Variants in CDKL3 observed in about 807,000 individuals in gnomAD.
The protein encoded by CDKL3 is cyclin dependent kinase like 3, also known as cyclin-dependent kinase-like 3.
In CDKL3, 65 loss-of-function variants were observed where a neutral mutation model predicts 69.3. That is an observed-to-expected ratio of 0.94 (90% CI 0.77 to 1.15). The LOEUF (loss-of-function observed/expected upper bound fraction) is 1.15, where lower values mean the gene tolerates loss of function less well. CDKL3 is among the 50% of genes most tolerant of loss of function. The pLI is 0.00. For synonymous variants in CDKL3, 202 were observed against 221.6 expected, an observed-to-expected ratio of 0.91 and a Z score of 0.79; for missense variants, 652 against 689.2, an observed-to-expected ratio of 0.95 and a Z score of 0.61.
chr5:134,328,608 T>G (rs530657585), intron 4 of CDKL3, among the ~76,000 whole-genome samples: 44 of 152,234 alleles, frequency 2.9e-4, no homozygotes, highest in African/African-American at 9.6e-4. Flanking sequence ...AAAAATATTT[T>G]ATAAAATAAT....
At chr5:134,371,397 C>T (rs1010299194), upstream of CDKL3, 34 of 723,336 alleles carry the variant, frequency 4.7e-5, no homozygotes, top group Non-Finnish European at 6.7e-5. Flanking sequence ...CCAGCACTCA[C>T]ACTGTGGTAG....
At chr5:134,323,923 C>T (rs956925625) in intron 4 of CDKL3, among the ~76,000 whole-genome samples, 1 of 151,182 alleles carries the variant, frequency 6.6e-6, no homozygotes, top group Non-Finnish European at 1.5e-5. Flanking sequence ...AATAAAAAGA[C>T]AAGCCACAAA....
intron 4 of CDKL3, among the ~76,000 whole-genome samples, chr5:134,338,135 T>C (rs1430268083): frequency 6.6e-6 from 1 of 151,914 alleles, no homozygotes. Context: ...AAAAAGGAAG[T>C]GAGAGGGAGT....
At chr5:134,327,218 G>A (rs1774625603) in intron 4 of CDKL3, among the ~76,000 whole-genome samples, 1 of 152,128 alleles carries the variant, frequency 6.6e-6, no homozygotes, top group South Asian at 2.1e-4. Flanking sequence ...GTTCTACCTT[G>A]AATGCAGTGC....
chr5:134,308,612 A>C lies in CDKL3; in HGVS notation c.997T>G (p.Tyr333Asp). The C allele has an allele frequency of 6.2e-7, 1 of 1,606,302 alleles. No homozygotes were observed. Among genetic ancestry groups the C allele is most frequent in the Non-Finnish European group, 8.5e-7 (1 of 1,178,104 alleles). Residue 333 changes from tyrosine (Y) to aspartate (D), a missense_variant, in exon 8 of 13, where the codon TAT becomes GAT. By Grantham distance (160) the Tyr-to-Asp change is radical. Coordinates refer to ENST00000265334, the MANE Select transcript of CDKL3 (RefSeq NM_001113575.2). ...GAACTACTTAGCAGTGTATTGGTATAAACTGTTTTTCTTTCATCTTTCCTG... is the reference window on the plus strand; with the variant it reads ...GAACTACTTAGCAGTGTATTGGTATCAACTGTTTTTCTTTCATCTTTCCTG... ...ELRKDERKTVYTNTLLSSSVL... is the reference protein window; with the variant it reads ...ELRKDERKTVDTNTLLSSSVL...
intron 2 of CDKL3, among the ~76,000 whole-genome samples, chr5:134,364,562 A>G (rs1581264028): frequency 6.6e-6 from 1 of 151,610 alleles, no homozygotes; most frequent in African/African-American, 2.4e-5. Context: ...CCCAGGCTGG[A>G]CTGCAATAGT....
downstream of CDKL3, among the ~76,000 whole-genome samples, chr5:134,285,113 G>A (rs543435901): frequency 1.1e-4 from 17 of 152,264 alleles, no homozygotes; most frequent in Admixed American, 4.6e-4. Flanking sequence ...CGGTCCCTCC[G>A]TTCGGGGCCC....
At position 134,304,558 on chromosome 5, in the gene CDKL3, C is replaced by T; in HGVS notation, c.1468G>A (p.Glu490Lys). Residue 490 changes from glutamate to lysine, a missense_variant, in exon 11 of 13, where the codon GAG becomes AAG. Coordinates refer to ENST00000265334, the MANE Select transcript of CDKL3 (RefSeq NM_001113575.2). Reference sequence around the variant, plus strand: ...GTTCGCTCATTAAATATACCCTTCTCCATTTGGCTCTAAACAAACAAACAA... The same window carrying T: ...GTTCGCTCATTAAATATACCCTTCTTCATTTGGCTCTAAACAAACAAACAA... ...EDPGPIQSQM[E>K]KGIFNERTGH... The T allele has an allele frequency of 1.2e-6, 2 of 1,600,774 alleles. No homozygotes were observed. Among genetic ancestry groups the T allele is most frequent in the East Asian group, 2.2e-5 (1 of 44,568 alleles).
At chr5:134,298,139 G>T, downstream of CDKL3, 3 of 419,030 alleles carry the variant, frequency 7.2e-6, no homozygotes, top group Non-Finnish European at 9.6e-6. Flanking sequence ...TCACCGTGTT[G>T]GTCAGGCTGG....
At chr5:134,335,583 C>T (rs1190179971) in intron 4 of CDKL3, among the ~76,000 whole-genome samples, 1 of 152,004 alleles carries the variant, frequency 6.6e-6, no homozygotes, top group Non-Finnish European at 1.5e-5. Flanking sequence ...CACTTAAAAG[C>T]TTAGTTTGGC....
chr5:134,319,496 G>A lies in CDKL3; in HGVS notation c.654C>T (p.Gly218=). ...TATTCTGCAAGTGAGGTGACAAATT[G>A]CCTGAAAAGAGAAAAAAATGTATAT... ...DLLHKIVLKV[G]NLSPHLQNIF... Residue 218 remains glycine, a splice_region_variant and synonymous_variant, in exon 6 of 13, where the codon GGC becomes GGT. Coordinates refer to ENST00000265334, the MANE Select transcript of CDKL3 (RefSeq NM_001113575.2). 1 of 1,519,356 alleles carries A rather than the reference G, an allele frequency of 6.6e-7. No individual in the cohort carries two copies. Among genetic ancestry groups the A allele is most frequent in the South Asian group, 1.3e-5 (1 of 76,898 alleles). The allele number at this position is 1,519,356 out of a possible 1,614,324, so 94.1% of individuals were successfully genotyped here. A position where few individuals can be genotyped will look rare whatever the true frequency, so the allele number is the denominator to read the frequency against.
downstream of CDKL3, chr5:134,298,356 T>C (rs1306645542): frequency 8.8e-7 from 1 of 1,130,426 alleles, no homozygotes; most frequent in African/African-American, 1.6e-5. Context: ...GATCATTAAG[T>C]ATAAGTACAG....
chr5:134,371,444 A>G, upstream of CDKL3: 1 of 898,742 alleles, frequency 1.1e-6, no homozygotes, highest in Non-Finnish European at 1.7e-6. Flanking sequence ...CGGCGGAGGG[A>G]GACGTCATTG....
chr5:134,287,636 T>G (rs1764928778), intron 8 of CDKL3, among the ~76,000 whole-genome samples: 2 of 152,226 alleles, frequency 1.3e-5, no homozygotes, highest in Non-Finnish European at 2.9e-5. Flanking sequence ...GCATGAGTTT[T>G]GGTGGCTATG....
intron 4 of CDKL3, among the ~76,000 whole-genome samples, chr5:134,336,610 T>C (rs950126303): frequency 1.3e-4 from 20 of 152,338 alleles, no homozygotes; most frequent in Admixed American, 3.9e-4. Context: ...TGGAGTTTGC[T>C]GGAGGTCCAC....
intron 6 of CDKL3, among the ~76,000 whole-genome samples, chr5:134,316,915 T>C (rs1049685675): frequency 1.6e-4 from 24 of 152,146 alleles, no homozygotes; most frequent in African/African-American, 5.8e-4. Context: ...TTGATAATAG[T>C]AATTTTTTCT....
At chr5:134,358,670 T>C (rs1332027747) in intron 3 of CDKL3, among the ~76,000 whole-genome samples, 1 of 152,116 alleles carries the variant, frequency 6.6e-6, no homozygotes, top group Non-Finnish European at 1.5e-5. Flanking sequence ...AGTGGTGCAA[T>C]CATAGCTTAC....
At chr5:134,317,415 A>G (rs1348809832) in intron 6 of CDKL3, among the ~76,000 whole-genome samples, 1 of 152,026 alleles carries the variant, frequency 6.6e-6, no homozygotes, top group Non-Finnish European at 1.5e-5. Flanking sequence ...CAGCCTCCCA[A>G]AGTACTGGGA....
intron 6 of CDKL3, among the ~76,000 whole-genome samples, chr5:134,317,028 AAAGT>A (rs1339629150): frequency 2.0e-5 from 3 of 152,144 alleles, no homozygotes; most frequent in African/African-American, 7.2e-5. Context: ...AGTTGGTGCA[AAAGT>A]AATTGTGGTT....
Sources: allele counts gnomAD v4.1 joint callset (sites outside exome capture counted in the v4.1 genomes callset), GRCh38; gene constraint gnomAD v4.1.1; transcripts MANE v1.5; gene names NCBI Gene and HGNC (gene_info 2026-07-23, HGNC 2026-07-21).